DIAPH1: variants seen among roughly 807,000 people sequenced by gnomAD.
DIAPH1 encodes diaphanous related formin 1.
A neutral mutation model predicts 140.7 loss-of-function variants in DIAPH1; 46 were observed. The observed-to-expected ratio is 0.33, with a 90% CI of 0.26 to 0.42. The LOEUF (loss-of-function observed/expected upper bound fraction) is 0.42. Among genes scored for constraint, DIAPH1 ranks in the 10% least tolerant of loss-of-function variants. The pLI, the probability that DIAPH1 is intolerant of heterozygous loss-of-function variation, is 1.00. For missense variants in DIAPH1, 1,310 were observed against 1,558.7 expected (o/e 0.84, Z 2.69); for synonymous variants, 565 against 551.6 (o/e 1.02, Z -0.34).
chr5:141,614,303 T>C (rs2099902299), intron 1 of DIAPH1, among the ~76,000 whole-genome samples: 1 of 152,174 alleles, frequency 6.6e-6, no homozygotes, highest in African/African-American at 2.4e-5. Context: ...TTCTAAATCA[T>C]ATGTGACATA....
At chr5:141,556,627 G>A (rs1053644913) in intron 18 of DIAPH1, among the ~76,000 whole-genome samples, 2 of 152,202 alleles carry the variant, frequency 1.3e-5, no homozygotes, top group African/African-American at 4.8e-5. Context: ...GCTCTGCTCT[G>A]GCAAGAAGGG....
chr5:141,588,293 A>C (rs1177379607), intron 1 of DIAPH1, 43 bp from the exon 2 acceptor site: 1 of 1,529,914 alleles, frequency 6.5e-7, no homozygotes, highest in South Asian at 1.1e-5. Context: ...AAGAGAAATC[A>C]GTGAAGTACA....
intron 19 of DIAPH1, among the ~76,000 whole-genome samples, chr5:141,531,416 C>A (rs1345830955): frequency 6.6e-6 from 1 of 151,960 alleles, no homozygotes; most frequent in African/African-American, 2.4e-5. Context: ...CTCAAGCAAT[C>A]CTCCACCCAC....
At chr5:141,582,232 G>A (rs997950737) in intron 7 of DIAPH1, 80 bp downstream of exon 7, 2 of 1,025,496 alleles carry the variant, frequency 2.0e-6, no homozygotes, top group East Asian at 2.4e-5. Context: ...CATATTCCTA[G>A]TTCCTCTTTT....
Position 141,573,872 on chromosome 5 carries a change from C to T in DIAPH1, c.1978G>A (p.Gly660Ser). Residue 660 changes from glycine (G) to serine (S), a missense_variant, in exon 16 of 28, where the codon GGT becomes AGT. Physicochemically the swap from Gly to Ser is moderately conservative, Grantham distance 56. Coordinates refer to ENST00000389054, the MANE Select transcript of DIAPH1 (RefSeq NM_005219.5). ...TIPPPPPLPE[G>S]VGIPSPSSLP... ...GAAGAGGGTGAAGGGATGCCAACAC[C>T]CTCAGGCAAAGGAGGGGGTGGAGGG... is the stretch of plus-strand genomic sequence containing the variant. 3 of 1,536,810 alleles carry T rather than the reference C, an allele frequency of 2.0e-6. No homozygotes were observed. The highest frequency in any genetic ancestry group is 2.6e-6 in the Non-Finnish European group (3 of 1,141,230).
intron 4 of DIAPH1, 48 bp downstream of exon 4, chr5:141,584,076 G>A (rs751823451): frequency 8.0e-7 from 1 of 1,248,682 alleles, no homozygotes; most frequent in Non-Finnish European, 1.2e-6. Context: ...ACAGGTCCAA[G>A]ACAAGGGCAC....
At position 141,574,890 on chromosome 5, in the gene DIAPH1, G is replaced by A. The variant is rs75981295; in HGVS notation, c.1641+77C>T. ...TAGTAGCTGAACCCTCCCTAGGAGC[G>A]AGATGACTGACTCCTGTTCCAAGCC... On this transcript the variant is annotated intron_variant, in intron 15 of 27. Coordinates refer to ENST00000389054, the MANE Select transcript of DIAPH1 (RefSeq NM_005219.5). The A allele has an allele frequency of 2.1e-3, 3,141 of 1,500,224 alleles. 70 individuals are homozygous for A. The African/African-American group carries it at 0.038, about 18-fold the overall frequency. The allele number at this position is 1,500,224 out of a possible 1,614,324, so 92.9% of individuals were successfully genotyped here.
At chr5:141,574,898 T>C in intron 15 of DIAPH1, 69 bp downstream of exon 15, 1 of 1,562,092 alleles carries the variant, frequency 6.4e-7, no homozygotes, top group Non-Finnish European at 8.8e-7. Context: ...GCGAGATGAC[T>C]GACTCCTGTT....
rs183622609 is a variant in DIAPH1 at position 141,583,643 on chromosome 5, G to A, written c.403-28C>T. 4.3e-6 allele frequency: 7 copies of A among 1,614,000 alleles called. No homozygotes were observed. In the African/African-American group the frequency reaches 8.0e-5, roughly 18 times the overall value. ...AGACAGAAGGCATAGACAGAGATTAGTAATGGTGGACCCAGTCATAAATTA... is the reference window on the plus strand; with the variant it reads ...AGACAGAAGGCATAGACAGAGATTAATAATGGTGGACCCAGTCATAAATTA... On this transcript the variant is annotated intron_variant, in intron 4 of 27. Coordinates refer to ENST00000389054, the MANE Select transcript of DIAPH1 (RefSeq NM_005219.5).
At chr5:141,604,857 A>G (rs1290942254) in intron 1 of DIAPH1, among the ~76,000 whole-genome samples, 1 of 152,188 alleles carries the variant, frequency 6.6e-6, no homozygotes, top group Non-Finnish European at 1.5e-5. Context: ...ACACATTCAG[A>G]ATAAGATTTT....
chr5:141,535,655 A>C (rs1357448565), intron 18 of DIAPH1, among the ~76,000 whole-genome samples: 3 of 152,248 alleles, frequency 2.0e-5, no homozygotes, highest in African/African-American at 7.2e-5. Flanking sequence ...TCTCTAAAAA[A>C]TGGTTGATGC....
intron 1 of DIAPH1, among the ~76,000 whole-genome samples, chr5:141,599,600 T>C (rs1373448245): frequency 6.6e-6 from 1 of 152,136 alleles, no homozygotes; most frequent in Non-Finnish European, 1.5e-5. Flanking sequence ...ACAAGGCACC[T>C]GCCATCATGC....
intron 8 of DIAPH1, 118 bp from the exon 9 acceptor site, chr5:141,579,314 G>A (rs1368524778): frequency 3.5e-5 from 29 of 833,218 alleles, no homozygotes; most frequent in South Asian, 2.3e-4. Context: ...TCAGTGTTCC[G>A]GATTTCTCAC....
At chr5:141,527,964 CATTTA>C (rs2154594983) in intron 23 of DIAPH1, among the ~76,000 whole-genome samples, 1 of 152,278 alleles carries the variant, frequency 6.6e-6, no homozygotes, top group East Asian at 1.9e-4. Context: ...AGAGAGACTT[CATTTA>C]ATTTAACATG....
intron 1 of DIAPH1, among the ~76,000 whole-genome samples, chr5:141,609,168 C>CAAA (rs11405338): frequency 6.2e-4 from 52 of 84,324 alleles, no homozygotes; most frequent in African/African-American, 1.3e-3. Flanking sequence ...TTACTAAATG[C>CAAA]AAAAAAAAAA....
intron 16 of DIAPH1, among the ~76,000 whole-genome samples, chr5:141,572,387 A>T (rs1244080526): frequency 1.3e-5 from 2 of 152,308 alleles, no homozygotes; most frequent in Middle Eastern, 6.8e-3. Flanking sequence ...AAATTTGCTC[A>T]TTTTATGAGC....
intron 17 of DIAPH1, 178 bp downstream of exon 17, chr5:141,571,748 C>A: frequency 1.4e-6 from 1 of 710,098 alleles, no homozygotes; most frequent in Admixed American, 2.0e-5. Context: ...AACCAAGTAA[C>A]TCCATAATAT....
In DIAPH1 at chr5:141,553,060, G is replaced by A. The variant is rs186945342; in HGVS notation, c.2482+18368C>T. On this transcript the variant is annotated intron_variant, in intron 18 of 27. Coordinates refer to ENST00000389054, the MANE Select transcript of DIAPH1 (RefSeq NM_005219.5). Reference sequence around the variant, plus strand: ...TCCCAGCACTTTGGGAGGCTGACGCGGGCCTATCACTTAAGGTTAGGAGTT... The same window carrying A: ...TCCCAGCACTTTGGGAGGCTGACGCAGGCCTATCACTTAAGGTTAGGAGTT... Among the ~76,000 whole-genome samples the A allele has an allele frequency of 9.3e-3, 1,396 of 149,406 alleles. 7 individuals are homozygous for A. Among genetic ancestry groups the A allele is most frequent in the Admixed American group, 0.02 (297 of 15,046 alleles).
chr5:141,606,928 A>G (rs1596409708), intron 1 of DIAPH1, among the ~76,000 whole-genome samples: 2 of 151,712 alleles, frequency 1.3e-5, no homozygotes, highest in Middle Eastern at 3.4e-3. Context: ...AGAAACAGAG[A>G]GCCTTGAAAA....
Sources: allele counts gnomAD v4.1 joint callset (sites outside exome capture counted in the v4.1 genomes callset), GRCh38; gene constraint gnomAD v4.1.1; transcripts MANE v1.5; gene names NCBI Gene and HGNC (gene_info 2026-07-23, HGNC 2026-07-21).